RELN: variants seen among roughly 807,000 people sequenced by gnomAD.
The protein encoded by RELN is reelin.
RELN carries 108 observed loss-of-function variants against 427.6 expected under a neutral mutation model. The ratio of observed to expected loss-of-function variants is 0.25; its 90% CI spans 0.22 to 0.30. The LOEUF (loss-of-function observed/expected upper bound fraction) is 0.30. RELN is among the 10% of genes least tolerant of loss of function. RELN has a pLI of 1.00. For missense variants in RELN, 3,715 were observed against 4,302.8 expected (o/e 0.86, Z 3.82); for synonymous variants, 1,524 against 1,513.4 (o/e 1.01, Z -0.16).
intron 10 of RELN, among the ~76,000 whole-genome samples, chr7:103,694,062 T>C (rs760435324): frequency 6.6e-6 from 1 of 152,132 alleles, no homozygotes; most frequent in Non-Finnish European, 1.5e-5. Flanking sequence ...CTTGCTAAAC[T>C]GTAATGTATA....
Position 103,596,505 on chromosome 7 carries a change from G to C in RELN, c.3490C>G (p.Gln1164Glu). The change falls in exon 25 of 65, where the codon CAG becomes GAG. Residue 1164 changes from glutamine (Q) to glutamate (E), a missense_variant. Around this residue, in one of 4 missense-constraint regions of RELN, gnomAD observed 2,208 missense variants for 2,361.7 expected, o/e 0.93. Coordinates refer to ENST00000428762, the MANE Select transcript of RELN (RefSeq NM_005045.4). ...TACATCTCTGCTAGCAGGTGCCACT[G>C]GATGCCCCCATTGTTGCTGTACTGA... ...LLQYSNNGGI[Q>E]WHLLAEMYFS... The C allele has an allele frequency of 6.2e-7, 1 of 1,613,988 alleles. No individual in the cohort carries two copies. The highest frequency in any genetic ancestry group is 8.5e-7 in the Non-Finnish European group (1 of 1,179,928).
chr7:103,609,426 C>T (rs1277955073), intron 22 of RELN, among the ~76,000 whole-genome samples: 2 of 152,046 alleles, frequency 1.3e-5, no homozygotes, highest in Non-Finnish European at 2.9e-5. Flanking sequence ...GACATATATG[C>T]TTGGAATACC....
intron 3 of RELN, among the ~76,000 whole-genome samples, chr7:103,785,266 T>C (rs911192562): frequency 6.6e-6 from 1 of 152,124 alleles, no homozygotes; most frequent in African/African-American, 2.4e-5. Flanking sequence ...TTAAACACCT[T>C]TTAATTAAGT....
At chr7:103,738,292 T>G (rs191905453) in intron 6 of RELN, among the ~76,000 whole-genome samples, 1 of 152,036 alleles carries the variant, frequency 6.6e-6, no homozygotes, top group African/African-American at 2.4e-5. Context: ...GGTAAAACTC[T>G]TCTTGAGAAA....
intron 10 of RELN, among the ~76,000 whole-genome samples, chr7:103,694,192 G>GA (rs888912261): frequency 6.6e-6 from 1 of 152,106 alleles, no homozygotes; most frequent in African/African-American, 2.4e-5. Context: ...TGATGGGGGA[G>GA]AAAACACACA....
chr7:103,888,401 C>A (rs1170467577), intron 2 of RELN, among the ~76,000 whole-genome samples: 1 of 152,136 alleles, frequency 6.6e-6, no homozygotes, highest in Non-Finnish European at 1.5e-5. Context: ...GGGGCTTGGA[C>A]CAAGAACCTG....
intron 31 of RELN, among the ~76,000 whole-genome samples, chr7:103,567,556 C>T (rs1384759617): frequency 6.6e-6 from 1 of 151,982 alleles, no homozygotes; most frequent in Non-Finnish European, 1.5e-5. Flanking sequence ...GTGTGTATAA[C>T]GAGGTATAAA....
intron 10 of RELN, among the ~76,000 whole-genome samples, chr7:103,694,037 A>G (rs765166611): frequency 3.3e-5 from 5 of 152,168 alleles, no homozygotes; most frequent in Admixed American, 6.6e-5. Flanking sequence ...GGAAGCAAAC[A>G]GTGTTTGGGC....
chr7:103,672,200 T>A (rs902994844), intron 11 of RELN, among the ~76,000 whole-genome samples: 3 of 152,180 alleles, frequency 2.0e-5, no homozygotes, highest in Non-Finnish European at 4.4e-5. Context: ...TATGCAAATT[T>A]GTTTTTTCCT....
chr7:103,476,573 T>C lies in RELN; in HGVS notation c.10286+1816A>G, dbSNP rs188658497. On this transcript the variant is annotated intron_variant, in intron 64 of 64. Transcript: ENST00000428762. ...TTGGTATGTGAAATATAAAAATCTT[T>C]TGAGTCAGTTAGGTTGAAATCTAAT... 21 of 167,586 alleles carry C rather than the reference T, an allele frequency of 1.3e-4. No individual in the cohort carries two copies. The East Asian group carries it at 3.5e-3, about 28-fold the overall frequency. 10.4% of individuals were successfully genotyped at this position (167,586 alleles called of 1,614,324 possible).
intron 57 of RELN, among the ~76,000 whole-genome samples, chr7:103,494,810 A>G (rs1828784802): frequency 6.6e-6 from 1 of 152,174 alleles, no homozygotes; most frequent in South Asian, 2.1e-4. Flanking sequence ...AGGATTTAGG[A>G]AGTTCCAACA....
intron 2 of RELN, among the ~76,000 whole-genome samples, chr7:103,914,753 A>G (rs1346220923): frequency 6.6e-6 from 1 of 152,116 alleles, no homozygotes; most frequent in Non-Finnish European, 1.5e-5. Flanking sequence ...AAGCAGGTCA[A>G]TGTGACTCAC....
intron 20 of RELN, among the ~76,000 whole-genome samples, chr7:103,619,798 G>A (rs1250279510): frequency 1.3e-5 from 2 of 152,068 alleles, no homozygotes; most frequent in African/African-American, 2.4e-5. Context: ...ATGCACCCAG[G>A]GAAGAATCAA....
rs567473617 is a variant in RELN, at chr7:103,569,442, T to C, written c.4589-2683A>G. 6.6e-6 allele frequency among the ~76,000 whole-genome samples: 1 copy of C among 152,310 alleles called. No individual in the cohort carries two copies. The highest frequency in any genetic ancestry group is 2.4e-5 in the African/African-American group (1 of 41,566). ...CACAGAAACTGTAAGATAACAAATATTTGATGTCTTAAGCTACTTAGTTGT... is the reference window on the plus strand; with the variant it reads ...CACAGAAACTGTAAGATAACAAATACTTGATGTCTTAAGCTACTTAGTTGT... On this transcript the variant is annotated intron_variant, in intron 31 of 64. Transcript: ENST00000428762. The surrounding 1 kb of genome is among the most constrained non-coding windows in gnomAD (Gnocchi z 4.0).
At chr7:103,604,783 G>A (rs532275357) in intron 22 of RELN, among the ~76,000 whole-genome samples, 20 of 149,960 alleles carry the variant, frequency 1.3e-4, no homozygotes, top group African/African-American at 4.9e-4. Flanking sequence ...AAAGTACTAA[G>A]AAAGAACATT....
intron 1 of RELN, among the ~76,000 whole-genome samples, chr7:103,952,756 A>T (rs898140696): frequency 3.3e-5 from 5 of 152,208 alleles, no homozygotes; most frequent in African/African-American, 1.2e-4. Context: ...TATATTCAAA[A>T]GGTCGGGAAA....
chr7:103,910,782 G>A (rs1191305405), intron 2 of RELN, among the ~76,000 whole-genome samples: 3 of 116,224 alleles, frequency 2.6e-5, no homozygotes, highest in African/African-American at 3.8e-5. Context: ...AATGGTGCTG[G>A]GAAAACTGGC....
intron 3 of RELN, among the ~76,000 whole-genome samples, chr7:103,794,738 G>T (rs570761330): frequency 6.6e-6 from 1 of 152,196 alleles, no homozygotes; most frequent in East Asian, 1.9e-4. Context: ...ATCATTCTTT[G>T]CTGTAGGGGG....
intron 30 of RELN, 105 bp from the exon 31 acceptor site, chr7:103,572,365 A>G: frequency 1.4e-6 from 1 of 702,146 alleles, no homozygotes; most frequent in Non-Finnish European, 2.6e-6. Context: ...TTTATTAAGT[A>G]CTACTTTCAA....
Sources: gnomAD v4.1 joint callset for allele counts (sites outside exome capture counted in the v4.1 genomes callset) on GRCh38, gnomAD v4.1.1 for gene constraint, gnomAD v4.1.1 regional missense constraint, Gnocchi (gnomAD v3.1) non-coding constraint, MANE v1.5 for transcripts, NCBI Gene and HGNC (gene_info 2026-07-23, HGNC 2026-07-21) for gene names.